Variants in OTOGL observed in about 807,000 individuals in gnomAD.
OTOGL encodes the protein otogelin like, also known as otogelin-like protein.
A neutral mutation model predicts 318.5 loss-of-function variants in OTOGL; 285 were observed. That is an observed-to-expected ratio of 0.89 (90% CI 0.81 to 0.99). The LOEUF (loss-of-function observed/expected upper bound fraction) is 0.99. Among genes scored for constraint, OTOGL ranks in the 50% least tolerant of loss-of-function variants. The pLI is 0.00. For missense variants in OTOGL, 2,899 were observed against 2,845.6 expected (o/e 1.02, Z -0.43); for synonymous variants, 987 against 936.5 (o/e 1.05, Z -0.99).
chr12:80,112,161 A>G (rs774405375), intron 1 of OTOGL, among the ~76,000 whole-genome samples: 9 of 152,028 alleles, frequency 5.9e-5, no homozygotes, highest in Non-Finnish European at 1.3e-4. Context: ...AGACTATGGG[A>G]TTTTCTAAAT....
intron 1 of OTOGL, among the ~76,000 whole-genome samples, chr12:80,188,408 T>A (rs539886788): frequency 6.6e-6 from 1 of 151,590 alleles, no homozygotes; most frequent in Admixed American, 6.6e-5. Context: ...TGTGGTGGCA[T>A]GCGCCTGTAA....
At chr12:80,256,608 A>G in intron 17 of OTOGL, 148 bp downstream of exon 17, 8 of 1,237,478 alleles carry the variant, frequency 6.5e-6, no homozygotes, top group Non-Finnish European at 8.6e-6. Context: ...TCAGGCCATC[A>G]GCTACAGATA....
intron 52 of OTOGL, among the ~76,000 whole-genome samples, chr12:80,360,424 T>C: frequency 1.2e-5 from 1 of 86,602 alleles, no homozygotes; most frequent in Non-Finnish European, 2.1e-5. Flanking sequence ...TCCCCTTTTC[T>C]CCCCCTCTCT....
At chr12:80,307,569 C>CA (rs1886243466) in intron 29 of OTOGL, among the ~76,000 whole-genome samples, 1 of 144,068 alleles carries the variant, frequency 6.9e-6, no homozygotes, top group African/African-American at 2.6e-5. Flanking sequence ...GGGGGGCTGA[C>CA]CCCCCAACCT....
chr12:80,102,531 C>T (rs112273418), intron 1 of OTOGL, among the ~76,000 whole-genome samples: 7 of 152,152 alleles, frequency 4.6e-5, no homozygotes, highest in Admixed American at 1.3e-4. Flanking sequence ...TTTCTTGAAC[C>T]GGCTACTTCT....
At chr12:80,130,819 A>G (rs1391905035) in intron 1 of OTOGL, among the ~76,000 whole-genome samples, 2 of 152,198 alleles carry the variant, frequency 1.3e-5, no homozygotes, top group Non-Finnish European at 2.9e-5. Context: ...CCATTCCCAC[A>G]TATCTGCCAT....
At chr12:80,258,848 A>G (rs1412314341) in intron 18 of OTOGL, among the ~76,000 whole-genome samples, 1 of 152,090 alleles carries the variant, frequency 6.6e-6, no homozygotes, top group Non-Finnish European at 1.5e-5. Context: ...GTCAAAGGGT[A>G]CAAAGTTTCA....
intron 1 of OTOGL, among the ~76,000 whole-genome samples, chr12:80,130,533 G>A (rs780155818): frequency 5.9e-5 from 9 of 152,200 alleles, no homozygotes; most frequent in Non-Finnish European, 8.8e-5. Context: ...TGTTATACAA[G>A]TTCTCAAAGG....
chr12:80,351,410 G>A (rs1332939742), intron 44 of OTOGL, among the ~76,000 whole-genome samples: 1 of 151,978 alleles, frequency 6.6e-6, no homozygotes, highest in Non-Finnish European at 1.5e-5. Context: ...CTGCCTCCCG[G>A]GTTCAAGAGA....
At chr12:80,170,177 G>GA (rs1411719564) in intron 1 of OTOGL, among the ~76,000 whole-genome samples, 7 of 135,036 alleles carry the variant, frequency 5.2e-5, no homozygotes, top group Admixed American at 5.0e-4. Context: ...ACTTTGTCAG[G>GA]GGTGTGTGTG....
chr12:80,279,743 A>G (rs1884080254), intron 26 of OTOGL, among the ~76,000 whole-genome samples: 1 of 151,768 alleles, frequency 6.6e-6, no homozygotes, highest in African/African-American at 2.4e-5. Context: ...TAGTGCTGCA[A>G]TGAATGTATG....
intron 7 of OTOGL, among the ~76,000 whole-genome samples, chr12:80,223,607 T>G (rs1878560959): frequency 6.6e-6 from 1 of 152,162 alleles, no homozygotes. Flanking sequence ...TTTTTGATTT[T>G]TAAATTATGG....
At chr12:80,122,065 T>C (rs1452255073) in intron 1 of OTOGL, among the ~76,000 whole-genome samples, 1 of 152,182 alleles carries the variant, frequency 6.6e-6, no homozygotes, top group Middle Eastern at 3.2e-3. Flanking sequence ...ACTGTCTCAT[T>C]TGAATCATTT....
At chr12:80,154,283 T>A (rs1290054410) in intron 1 of OTOGL, among the ~76,000 whole-genome samples, 1 of 152,054 alleles carries the variant, frequency 6.6e-6, no homozygotes, top group Non-Finnish European at 1.5e-5. Context: ...CACTCCAGCC[T>A]GGGCAACAGA....
At chr12:80,287,798 C>T (rs1002813540) in intron 26 of OTOGL, among the ~76,000 whole-genome samples, 2 of 152,110 alleles carry the variant, frequency 1.3e-5, no homozygotes, top group Non-Finnish European at 2.9e-5. Context: ...TGTCTTTACA[C>T]ATGAGATGGG....
chr12:80,329,732 G>A (rs1455841618), intron 37 of OTOGL, among the ~76,000 whole-genome samples: 2 of 152,140 alleles, frequency 1.3e-5, no homozygotes, highest in Non-Finnish European at 2.9e-5. Context: ...ATTCCTCAAG[G>A]TAGTATAATG....
chr12:80,339,277 C>CCTG lies in OTOGL; in HGVS notation c.5050+13_5050+14insCTG. On this transcript the variant is annotated intron_variant, in intron 43 of 58. Coordinates refer to ENST00000547103, the MANE Select transcript of OTOGL (RefSeq NM_001378609.3). The stretch of plus-strand genomic sequence containing the variant: ...GAAGGACTCTGTGGTGAGCGCTGCC[C>CCTG]TTCAAATCTTGATTTCGTCTGTTTT... 8.5e-7 allele frequency: 1 copy of CCTG among 1,171,090 alleles called. No individual in the cohort carries two copies. The highest frequency in any genetic ancestry group is 1.2e-6 in the Non-Finnish European group (1 of 837,366). The allele number at this position is 1,171,090 out of a possible 1,614,324, so 72.5% of individuals were successfully genotyped here. A position where few individuals can be genotyped will look rare whatever the true frequency, so the allele number is the denominator to read the frequency against.
At chr12:80,167,753 C>T (rs1034849239) in intron 1 of OTOGL, among the ~76,000 whole-genome samples, 1 of 151,892 alleles carries the variant, frequency 6.6e-6, no homozygotes, top group Non-Finnish European at 1.5e-5. Context: ...CTGTTTTTCT[C>T]GTTCTCAAGA....
chr12:80,170,514 ACCTCTGTCT>A (rs1012709357), intron 1 of OTOGL, among the ~76,000 whole-genome samples: 1 of 151,468 alleles, frequency 6.6e-6, no homozygotes, highest in African/African-American at 2.4e-5. Flanking sequence ...GCTCACTGCA[ACCTCTGTCT>A]CCTGAGTTCA....
Sources: allele counts gnomAD v4.1 joint callset (sites outside exome capture counted in the v4.1 genomes callset), GRCh38; gene constraint gnomAD v4.1.1; transcripts MANE v1.5; gene names NCBI Gene and HGNC (gene_info 2026-07-23, HGNC 2026-07-21).